The following PAPPA variants were observed in gnomAD, a reference collection of about 807,000 sequenced individuals.
PAPPA encodes the protein pappalysin-1.
Under a neutral mutation model 164.0 loss-of-function variants are expected in PAPPA, and 60 were observed. That is an observed-to-expected ratio of 0.37 (90% confidence interval 0.30 to 0.45). PAPPA has a LOEUF of 0.45. Among genes scored for constraint, PAPPA ranks in the 20% least tolerant of loss-of-function variants. The pLI, the probability that PAPPA is intolerant of heterozygous loss-of-function variation, is 1.00. For missense variants in PAPPA, 1,782 were observed against 2,087.3 expected, an observed-to-expected ratio of 0.85 and a Z score of 2.85; for synonymous variants, 875 against 814.1, an observed-to-expected ratio of 1.07 and a Z score of -1.27.
chr9:116,301,878 A>T (rs190888286), intron 9 of PAPPA, among the ~76,000 whole-genome samples: 158 of 152,370 alleles, frequency 1.0e-3, no homozygotes, highest in Non-Finnish European at 1.9e-3. Flanking sequence ...AAGGAGACTT[A>T]TTCAAATTAA....
chr9:116,368,663 G>A (rs1364378747), intron 19 of PAPPA, among the ~76,000 whole-genome samples: 1 of 152,208 alleles, frequency 6.6e-6, no homozygotes, highest in Non-Finnish European at 1.5e-5. Context: ...GTCACTCTGG[G>A]CACTGGCTCT....
At chr9:116,342,737 T>C (rs1846154447) in intron 13 of PAPPA, among the ~76,000 whole-genome samples, 2 of 152,244 alleles carry the variant, frequency 1.3e-5, no homozygotes, top group Non-Finnish European at 2.9e-5. Context: ...GTCTCCTAGA[T>C]AAAAATAGGA....
intron 2 of PAPPA, among the ~76,000 whole-genome samples, chr9:116,198,769 T>C (rs1249278902): frequency 1.3e-5 from 2 of 152,210 alleles, no homozygotes; most frequent in African/African-American, 2.4e-5. Context: ...TTCCAAAAGG[T>C]AAATGAGAAA....
chr9:116,329,639 G>A (rs928999633), intron 10 of PAPPA, among the ~76,000 whole-genome samples: 1 of 151,898 alleles, frequency 6.6e-6, no homozygotes, highest in Non-Finnish European at 1.5e-5. Context: ...ATATAGTTTT[G>A]CTTTGTGTTA....
intron 19 of PAPPA, among the ~76,000 whole-genome samples, chr9:116,371,895 G>GT (rs1846579841): frequency 6.6e-6 from 1 of 152,072 alleles, no homozygotes; most frequent in South Asian, 2.1e-4. Context: ...CTATGGATTG[G>GT]TTTTGCTTAT....
At chr9:116,250,630 G>C (rs1844849537) in intron 7 of PAPPA, among the ~76,000 whole-genome samples, 1 of 152,156 alleles carries the variant, frequency 6.6e-6, no homozygotes, top group Non-Finnish European at 1.5e-5. Context: ...AGAGAATTTT[G>C]AGATGCTTGA....
chr9:116,269,730 A>G (rs1845115541), intron 8 of PAPPA, among the ~76,000 whole-genome samples: 1 of 152,194 alleles, frequency 6.6e-6, no homozygotes, highest in Non-Finnish European at 1.5e-5. Context: ...GGTTGAAAGT[A>G]AGCTTTGTGG....
At chr9:116,313,023 C>T (rs1845741009) in intron 10 of PAPPA, among the ~76,000 whole-genome samples, 1 of 144,254 alleles carries the variant, frequency 6.9e-6, no homozygotes, top group African/African-American at 2.6e-5. Flanking sequence ...GCAGAGCTTG[C>T]AGTGAGCGGA....
At chr9:116,383,682 T>TGTTA (rs1485874727) in intron 21 of PAPPA, among the ~76,000 whole-genome samples, 5 of 149,674 alleles carry the variant, frequency 3.3e-5, no homozygotes, top group East Asian at 1.9e-4. Flanking sequence ...ATCAGATGGC[T>TGTTA]GTTAGTTACT....
In PAPPA at chr9:116,187,726, A is replaced by G. The variant is rs1843991848; in HGVS notation, c.988A>G (p.Thr330Ala). Reference sequence around the variant, plus strand: ...TCTGGAGCCTCCTCTGTGCGGACAGACATTGTGTGACAACACAGAGGTCAT... The same window carrying G: ...TCTGGAGCCTCCTCTGTGCGGACAGGCATTGTGTGACAACACAGAGGTCAT... ...TSLEPPLCGQ[T>A]LCDNTEVIAS... Residue 330 changes from threonine to alanine, a missense_variant, in exon 2 of 22, where the codon ACA becomes GCA. Physicochemically the swap from Thr to Ala is moderately conservative, Grantham distance 58. Transcript: ENST00000328252. The surrounding 1 kb of genome is among the most constrained non-coding windows in gnomAD (Gnocchi z 4.2). 1 of 1,614,248 alleles carries G rather than the reference A, an allele frequency of 6.2e-7. No homozygotes were observed. The highest frequency in any genetic ancestry group is 8.5e-7 in the Non-Finnish European group (1 of 1,180,038).
chr9:116,371,332 G>A (rs1272143392), intron 19 of PAPPA, among the ~76,000 whole-genome samples: 1 of 152,134 alleles, frequency 6.6e-6, no homozygotes, highest in African/African-American at 2.4e-5. Flanking sequence ...CAGGAGAATC[G>A]CTTGAACCCA....
intron 10 of PAPPA, among the ~76,000 whole-genome samples, chr9:116,307,701 T>C (rs946551246): frequency 1.1e-4 from 16 of 152,260 alleles, no homozygotes; most frequent in African/African-American, 3.6e-4. Flanking sequence ...AGAAATATAT[T>C]TGAGTCCTGC....
At chr9:116,236,156 C>G (rs1471115211) in intron 7 of PAPPA, among the ~76,000 whole-genome samples, 3 of 152,114 alleles carry the variant, frequency 2.0e-5, no homozygotes, top group Admixed American at 2.0e-4. Context: ...ACTTTAACAG[C>G]ACTTGTTTTT....
intron 17 of PAPPA, among the ~76,000 whole-genome samples, chr9:116,354,295 C>T (rs1055716844): frequency 1.3e-5 from 2 of 152,232 alleles, no homozygotes; most frequent in Non-Finnish European, 2.9e-5. Context: ...AAGTCCAACA[C>T]TCCTGCCTGC....
At chr9:116,227,171 T>A (rs1437798025) in intron 5 of PAPPA, among the ~76,000 whole-genome samples, 4 of 152,248 alleles carry the variant, frequency 2.6e-5, no homozygotes. Context: ...TTCAGCCTGT[T>A]GACTTTGTGC....
intron 17 of PAPPA, among the ~76,000 whole-genome samples, chr9:116,355,119 C>T (rs751189003): frequency 2.6e-5 from 4 of 152,210 alleles, no homozygotes; most frequent in Non-Finnish European, 5.9e-5. Context: ...GGCCACACTG[C>T]GTTGTCACTG....
rs1003887386 is a variant in PAPPA at position 116,282,398 on chromosome 9, C to G, written c.2953+10982C>G. 1.1e-4 allele frequency among the ~76,000 whole-genome samples: 17 copies of G among 152,324 alleles called. No homozygotes were observed. The South Asian group carries it at 2.7e-3, about 24-fold the overall frequency. ...AGAACCCATGAATATGGAGGGCCAA[C>G]TGCATAGACTGCATATATTTCCACC... On this transcript the variant is annotated intron_variant, in intron 9 of 21. Transcript: ENST00000328252.
rs565043624 is a variant in PAPPA at position 116,245,472 on chromosome 9, A to C, written c.2732+9835A>C. Among the ~76,000 whole-genome samples the C allele has an allele frequency of 1.3e-3, 205 of 152,262 alleles. 1 individual carries two copies. Among genetic ancestry groups the C allele is most frequent in the African/African-American group, 4.9e-3 (202 of 41,550 alleles). ...TGAGGAAGGGTGAGTGAATCCATTT[A>C]GGGTTGACTGCTGAAGTCCAAACCA... On this transcript the variant is annotated intron_variant, in intron 7 of 21. Transcript: ENST00000328252.
chr9:116,190,426 A>T (rs993632183), intron 2 of PAPPA, among the ~76,000 whole-genome samples: 1 of 152,194 alleles, frequency 6.6e-6, no homozygotes, highest in Non-Finnish European at 1.5e-5. Flanking sequence ...TTGCTTTGAA[A>T]ATTTCAAGAT....
Sources: gnomAD v4.1 joint callset for allele counts (sites outside exome capture counted in the v4.1 genomes callset) on GRCh38, gnomAD v4.1.1 for gene constraint, Gnocchi (gnomAD v3.1) non-coding constraint, MANE v1.5 for transcripts, NCBI Gene and HGNC (gene_info 2026-07-23, HGNC 2026-07-21) for gene names.